Variants in SDK1 observed in about 807,000 individuals in gnomAD.
SDK1 encodes the protein protein sidekick-1.
A neutral mutation model predicts 245.5 loss-of-function variants in SDK1; 157 were observed. That is an observed-to-expected ratio of 0.64 (90% confidence interval 0.56 to 0.73). The LOEUF (loss-of-function observed/expected upper bound fraction) is 0.73, where lower values mean the gene tolerates loss of function less well. Ranked by LOEUF, SDK1 falls within the 30% of genes least tolerant of loss-of-function variation. The pLI is 0.00. For missense variants in SDK1, 3,583 were observed against 3,002.3 expected, an observed-to-expected ratio of 1.19 and a Z score of -4.52; for synonymous variants, 1,647 against 1,278.5, an observed-to-expected ratio of 1.29 and a Z score of -6.15.
rs111765287 is a variant in SDK1, at chr7:3,301,977, T to C, written c.298+93T>C. 0.012 allele frequency: 11,395 copies of C among 948,306 alleles called. 654 individuals are homozygous for C. In the African/African-American group the frequency reaches 0.14, roughly 12 times the overall value. 58.7% of individuals were successfully genotyped at this position (948,306 alleles called of 1,614,324 possible). On this transcript the variant is annotated intron_variant, in intron 1 of 44. Coordinates refer to ENST00000404826, the MANE Select transcript of SDK1 (RefSeq NM_152744.4). ...GAGAGTGTGTCCGGGGTCCCCCCGC[T>C]TCCCGGCCCGGGTCGGGATGCGCCT...
At chr7:3,521,234 C>A (rs1432796879) in intron 1 of SDK1, among the ~76,000 whole-genome samples, 3 of 152,150 alleles carry the variant, frequency 2.0e-5, no homozygotes, top group African/African-American at 7.2e-5. Context: ...TCTTTTACTT[C>A]CCTTCTGCTA....
chr7:3,737,701 C>G (rs1325684524), intron 4 of SDK1, among the ~76,000 whole-genome samples: 1 of 152,166 alleles, frequency 6.6e-6, no homozygotes, highest in African/African-American at 2.4e-5. Context: ...CTAGCCAACC[C>G]CAGGTGGTCT....
chr7:3,884,733 C>T (rs1781296504), intron 5 of SDK1, among the ~76,000 whole-genome samples: 1 of 152,162 alleles, frequency 6.6e-6, no homozygotes, highest in Non-Finnish European at 1.5e-5. Flanking sequence ...TGGGCAGAGC[C>T]CATGAAGCAA....
chr7:3,395,098 C>T (rs1781859357), intron 1 of SDK1, among the ~76,000 whole-genome samples: 1 of 151,956 alleles, frequency 6.6e-6, no homozygotes, highest in African/African-American at 2.4e-5. Flanking sequence ...AGAATTTGGT[C>T]TTTCACCAAT....
At chr7:3,892,725 G>A (rs764281038) in intron 5 of SDK1, among the ~76,000 whole-genome samples, 1 of 152,160 alleles carries the variant, frequency 6.6e-6, no homozygotes, top group South Asian at 2.1e-4. Context: ...CCCTGAGACC[G>A]GAGGCCCTCC....
chr7:3,620,773 G>A (rs76076294), intron 2 of SDK1, among the ~76,000 whole-genome samples: 4,610 of 152,054 alleles, frequency 0.03, 207 homozygotes, highest in African/African-American at 0.099. Context: ...GGTTCTCCTC[G>A]GTGCTCTCTG....
At chr7:3,407,438 T>C (rs887105360) in intron 1 of SDK1, among the ~76,000 whole-genome samples, 22 of 152,152 alleles carry the variant, frequency 1.4e-4, no homozygotes, top group African/African-American at 5.3e-4. Context: ...AGTGCCTTGG[T>C]TGACTGGTCT....
intron 1 of SDK1, among the ~76,000 whole-genome samples, chr7:3,417,155 C>G (rs930167414): frequency 2.6e-5 from 4 of 152,178 alleles, no homozygotes; most frequent in African/African-American, 9.7e-5. Context: ...GCCTGGGCAA[C>G]AAGAGCTAAA....
chr7:3,457,385 C>T (rs1780703962), intron 1 of SDK1, among the ~76,000 whole-genome samples: 1 of 152,026 alleles, frequency 6.6e-6, no homozygotes, highest in South Asian at 2.1e-4. Flanking sequence ...GATTCTTGTG[C>T]CTTTCCCGAG....
At chr7:3,426,825 A>C (rs1779691442) in intron 1 of SDK1, among the ~76,000 whole-genome samples, 1 of 152,234 alleles carries the variant, frequency 6.6e-6, no homozygotes, top group East Asian at 1.9e-4. Context: ...TAATTTTCTA[A>C]AATGCAGATC....
intron 4 of SDK1, among the ~76,000 whole-genome samples, chr7:3,781,107 A>G (rs1452524652): frequency 1.3e-5 from 2 of 152,088 alleles, no homozygotes; most frequent in Non-Finnish European, 2.9e-5. Flanking sequence ...GAAATCCTGA[A>G]TCATGAATTT....
In SDK1 at chr7:3,944,336, G is replaced by C. The variant is rs181643520; in HGVS notation, c.848-6587G>C. On this transcript the variant is annotated intron_variant, in intron 5 of 44. Transcript: ENST00000404826. ...AAATCATTTACCAAGATGTTTTGTG[G>C]CTGCATGGCAGCTTGGCAAAATAGA... 8.9e-4 allele frequency among the ~76,000 whole-genome samples: 136 copies of C among 152,314 alleles called. 1 individual carries two copies. The highest frequency in any genetic ancestry group is 1.6e-3 in the Admixed American group (25 of 15,304).
intron 4 of SDK1, among the ~76,000 whole-genome samples, chr7:3,669,789 C>T (rs1460822193): frequency 6.6e-6 from 1 of 152,210 alleles, no homozygotes; most frequent in Non-Finnish European, 1.5e-5. Context: ...ATGTATTCAA[C>T]AGCCTATTCA....
At chr7:4,085,147 C>T (rs1264703049) in intron 22 of SDK1, among the ~76,000 whole-genome samples, 3 of 152,160 alleles carry the variant, frequency 2.0e-5, no homozygotes, top group Non-Finnish European at 4.4e-5. Flanking sequence ...TCTTTATCCT[C>T]CTATTGTATT....
At chr7:3,529,904 C>A (rs954366179) in intron 1 of SDK1, among the ~76,000 whole-genome samples, 2 of 152,026 alleles carry the variant, frequency 1.3e-5, no homozygotes, top group Admixed American at 6.6e-5. Context: ...AGTCTGGGTA[C>A]GAGAAAACAC....
chr7:4,267,822 G>A lies in SDK1; in HGVS notation c.*2438G>A, dbSNP rs1244080243. On this transcript the variant is annotated 3_prime_UTR_variant, in exon 45 of 45. Transcript: ENST00000404826. ...GGAGCGGCCTGTCCGAGGCTACGCC[G>A]GCCTCCTGGCTGCTGCTGGACTGTG... The A allele has an allele frequency of 1.2e-5, 12 of 985,478 alleles. No individual in the cohort carries two copies. The highest frequency in any genetic ancestry group is 2.3e-4 in the East Asian group (2 of 8,824). 61.0% of individuals were successfully genotyped at this position (985,478 alleles called of 1,614,324 possible). A position where few individuals can be genotyped will look rare whatever the true frequency, so the allele number is the denominator to read the frequency against.
rs370874052 is a variant in SDK1, at chr7:4,197,487, C to T, written c.5099-8392C>T. Among the ~76,000 whole-genome samples, 72 of 151,750 alleles carry T rather than the reference C, an allele frequency of 4.7e-4. 1 individual carries two copies. The highest frequency in any genetic ancestry group is 1.6e-3 in the African/African-American group (68 of 41,370). On this transcript the variant is annotated intron_variant, in intron 35 of 44. Coordinates refer to ENST00000404826, the MANE Select transcript of SDK1 (RefSeq NM_152744.4). Reference sequence around the variant, plus strand: ...TGGGAAACAGAGCAAGACCCCATCTCAGAAAAAAAAAGTTATTTGAAAACA... The same window carrying T: ...TGGGAAACAGAGCAAGACCCCATCTTAGAAAAAAAAAGTTATTTGAAAACA...
chr7:4,025,445 G>A (rs1028094583), intron 17 of SDK1, among the ~76,000 whole-genome samples: 1 of 152,272 alleles, frequency 6.6e-6, no homozygotes, highest in East Asian at 1.9e-4. Context: ...CATCTGTATC[G>A]GTGCAGATCA....
Position 4,130,098 on chromosome 7 carries a change from G to A in SDK1, c.4129+1G>A. ...ATCCTGGAGCGCACCAAAGACGATG[G>A]TAGGTCCAGGGTTCGCGCCTTCGGG... On this transcript the variant is annotated splice_donor_variant, in intron 27 of 44. Transcript: ENST00000404826. LOFTEE classifies it high-confidence loss of function. 1.9e-6 allele frequency: 3 copies of A among 1,597,382 alleles called. No individual in the cohort carries two copies. Among genetic ancestry groups the A allele is most frequent in the Non-Finnish European group, 2.6e-6 (3 of 1,168,628 alleles).
Sources: allele counts gnomAD v4.1 joint callset (sites outside exome capture counted in the v4.1 genomes callset), GRCh38; gene constraint gnomAD v4.1.1; transcripts MANE v1.5; gene names NCBI Gene and HGNC (gene_info 2026-07-23, HGNC 2026-07-21).